PSMD2: variants seen among roughly 807,000 people sequenced by gnomAD.
PSMD2 encodes the protein proteasome 26S subunit ubiquitin receptor, non-ATPase 2, also known as 26S proteasome non-ATPase regulatory subunit 2.
In PSMD2, 8 loss-of-function variants were observed where a neutral mutation model predicts 101.5. That is an observed-to-expected ratio of 0.08 (90% CI 0.05 to 0.14). The LOEUF (loss-of-function observed/expected upper bound fraction) is 0.14, where lower values mean the gene tolerates loss of function less well. Ranked by LOEUF, PSMD2 falls within the 10% of genes least tolerant of loss-of-function variation. The pLI, the probability that PSMD2 is intolerant of heterozygous loss-of-function variation, is 1.00. For synonymous variants in PSMD2, 418 were observed against 433.8 expected, an observed-to-expected ratio of 0.96 and a Z score of 0.45; for missense variants, 784 against 1,147.4, an observed-to-expected ratio of 0.68 and a Z score of 4.58.
intron 7 of PSMD2, 52 bp downstream of exon 7, chr3:184,302,875 A>G: frequency 6.2e-7 from 1 of 1,612,558 alleles, no homozygotes; most frequent in Non-Finnish European, 8.5e-7. Flanking sequence ...TCTACCTGCC[A>G]TTTCACCTCC....
At position 184,300,462 on chromosome 3, in the gene PSMD2, C is replaced by A; in HGVS notation, c.357+18C>A. On this transcript the variant is annotated intron_variant, in intron 3 of 20. Transcript: ENST00000310118. ...AGAATAAGGTAAAACTGTTTCAAAC[C>A]TGGTGGAGGCCTAGTTTAGGAATTC... 1 of 1,607,936 alleles carries A rather than the reference C, an allele frequency of 6.2e-7. No individual in the cohort carries two copies. The highest frequency in any genetic ancestry group is 8.5e-7 in the Non-Finnish European group (1 of 1,176,766).
At chr3:184,303,897 G>A (rs369440826) in intron 10 of PSMD2, 50 bp from the exon 11 acceptor site, 25 of 1,613,568 alleles carry the variant, frequency 1.5e-5, no homozygotes, top group South Asian at 8.8e-5. Context: ...CATCCTTTGC[G>A]GTGAGGAAGA....
At position 184,305,882 on chromosome 3, in the gene PSMD2, G is replaced by C; in HGVS notation, c.1654G>C (p.Asp552His). 2.5e-6 allele frequency: 4 copies of C among 1,614,176 alleles called. No individual in the cohort carries two copies. Among genetic ancestry groups the C allele is most frequent in the Non-Finnish European group, 3.4e-6 (4 of 1,180,034 alleles). The change falls in exon 13 of 21, where the codon GAT becomes CAT. Residue 552 changes from aspartate (D) to histidine (H), a missense_variant. Physicochemically the swap from Asp to His is moderately conservative, Grantham distance 81. Around this residue, in one of 6 missense-constraint regions of PSMD2, gnomAD observed 282 missense variants for 437.6 expected, o/e 0.64. Coordinates refer to ENST00000310118, the MANE Select transcript of PSMD2 (RefSeq NM_002808.5). ...GGAGAAGTCAGAGACTGAGCTCAAG[G>C]ATACTTATGCTCGTTGGCTTCCTCT... is the stretch of plus-strand genomic sequence containing the variant. ...IMEKSETELKDTYARWLPLGL... is the reference protein window; with the variant it reads ...IMEKSETELKHTYARWLPLGL...
At chr3:184,299,981 CT>C in intron 2 of PSMD2, 74 bp downstream of exon 2, 1 of 1,320,314 alleles carries the variant, frequency 7.6e-7, no homozygotes, top group East Asian at 2.3e-5. Context: ...TTTGAGGCAA[CT>C]GCTATGTACG....
rs1403591333 is a variant in PSMD2 at position 184,307,714 on chromosome 3, G to A, written c.2298+6G>A. The A allele has an allele frequency of 6.2e-7, 1 of 1,613,580 alleles. No homozygotes were observed. The highest frequency in any genetic ancestry group is 8.5e-7 in the Non-Finnish European group (1 of 1,179,478). ...TCATGGTGCGCTTGGCACAGGTAAA[G>A]AATAGAACTCCTCCACAGAGCGTGC... On this transcript the variant is annotated splice_donor_region_variant and intron_variant, in intron 18 of 20. Transcript: ENST00000310118.
chr3:184,307,101 T>A (rs1721857069), intron 16 of PSMD2, among the ~76,000 whole-genome samples: 1 of 152,154 alleles, frequency 6.6e-6, no homozygotes, highest in Non-Finnish European at 1.5e-5. Context: ...CATGCCACCA[T>A]GCCCAGCTAA....
chr3:184,307,543 G>T lies in PSMD2; in HGVS notation c.2203+18G>T. On this transcript the variant is annotated intron_variant, in intron 17 of 20. Transcript: ENST00000310118. ...GGGCAGTGGTGAGTATCCGGCAGAA[G>T]AAGGTCATAAACAGATTGGGGGAAG... The T allele has an allele frequency of 1.2e-5, 20 of 1,614,192 alleles. No homozygotes were observed. The highest frequency in any genetic ancestry group is 1.6e-5 in the Non-Finnish European group (19 of 1,180,030).
intron 1 of PSMD2, 72 bp from the exon 2 acceptor site, chr3:184,299,779 G>T (rs898259838): frequency 9.2e-6 from 12 of 1,303,262 alleles, no homozygotes; most frequent in African/African-American, 2.9e-5. Context: ...TTCTTCACCT[G>T]CCCCGGGTAA....
chr3:184,303,939 C>G lies in PSMD2; in HGVS notation c.1324-8C>G. On this transcript the variant is annotated splice_region_variant and splice_polypyrimidine_tract_variant and intron_variant, in intron 10 of 20. Coordinates refer to ENST00000310118, the MANE Select transcript of PSMD2 (RefSeq NM_002808.5). ...ATCCTGAGTGAAGAATCTGTTTGCT[C>G]TTTGTAGTCAGGAGCTCTTCTTGCC... is the stretch of plus-strand genomic sequence containing the variant. The G allele has an allele frequency of 6.2e-7, 1 of 1,614,230 alleles. No homozygotes were observed. The highest frequency in any genetic ancestry group is 8.5e-7 in the Non-Finnish European group (1 of 1,180,044).
chr3:184,307,917 C>T lies in PSMD2; in HGVS notation c.2326C>T (p.Leu776Phe). ...CCTGACACATTTAGGGAAGGGCACC[C>T]TTACCCTCTGCCCCTACCACAGCGA... ...QGLTHLGKGT[L>F]TLCPYHSDRQ... Residue 776 changes from leucine (L) to phenylalanine (F), a missense_variant, in exon 19 of 21, where the codon CTT becomes TTT. This residue lies in a region of PSMD2 where 282 missense variants were observed against 437.6 expected (regional missense o/e 0.64). Transcript: ENST00000310118. 6.2e-7 allele frequency: 1 copy of T among 1,614,128 alleles called. No individual in the cohort carries two copies. Among genetic ancestry groups the T allele is most frequent in the Non-Finnish European group, 8.5e-7 (1 of 1,180,016 alleles).
chr3:184,308,672 T>C lies in PSMD2; in HGVS notation c.2545-36T>C. ...GGCGTGGGCGGTGGCTTGTCGCTAC[T>C]TTTCCATCTCTCTTTTCAATTTTCT... On this transcript the variant is annotated intron_variant, in intron 20 of 20. Coordinates refer to ENST00000310118, the MANE Select transcript of PSMD2 (RefSeq NM_002808.5). The surrounding 1 kb of genome is among the most constrained non-coding windows in gnomAD (Gnocchi z 6.0). 6.2e-7 allele frequency: 1 copy of C among 1,600,652 alleles called. No individual in the cohort carries two copies. Among genetic ancestry groups the C allele is most frequent in the Non-Finnish European group, 8.6e-7 (1 of 1,169,414 alleles).
intron 18 of PSMD2, 61 bp from the exon 19 acceptor site, chr3:184,307,829 G>A: frequency 6.2e-7 from 1 of 1,610,898 alleles, no homozygotes; most frequent in Middle Eastern, 1.7e-4. Context: ...CTGTTTGGCT[G>A]GGTTAGGCGA....
At chr3:184,306,302 T>C in intron 14 of PSMD2, 48 bp from the exon 15 acceptor site, 1 of 1,601,604 alleles carries the variant, frequency 6.2e-7, no homozygotes, top group Non-Finnish European at 8.5e-7. Context: ...AAGCTTTTCC[T>C]TGGTAACTTC....
chr3:184,307,303 G>A (rs1721865073), intron 16 of PSMD2, 54 bp from the exon 17 acceptor site: 2 of 1,585,044 alleles, frequency 1.3e-6, no homozygotes, highest in South Asian at 1.1e-5. Context: ...CTCCTGTAAT[G>A]GAATTTGTTT....
At position 184,306,813 on chromosome 3, in the gene PSMD2, A is replaced by T; in HGVS notation, c.2013A>T (p.Ala671=). 1 of 1,613,872 alleles carries T rather than the reference A, an allele frequency of 6.2e-7. No homozygotes were observed. Residue 671 remains alanine (A), a synonymous_variant, in exon 16 of 21, where the codon GCA becomes GCT. Coordinates refer to ENST00000310118, the MANE Select transcript of PSMD2 (RefSeq NM_002808.5). ...GGGAGGAGATTGGTGCAGAGATGGC[A>T]TTACGAACCTTTGGCCACTTGGTGA... ...AMGEEIGAEM[A]LRTFGHLLRY...
intron 2 of PSMD2, 69 bp downstream of exon 2, chr3:184,299,976 G>T (rs1721590146): frequency 7.9e-6 from 11 of 1,396,270 alleles, no homozygotes; most frequent in Admixed American, 1.7e-5. Context: ...TCTTTTTTGA[G>T]GCAACTGCTA....
At position 184,306,843 on chromosome 3, in the gene PSMD2, A is replaced by G; in HGVS notation, c.2034+9A>G. Reference sequence around the variant, plus strand: ...GAACCTTTGGCCACTTGGTGAGTATAGCATGAAGAAAATTGGAATATACTG... The same window carrying G: ...GAACCTTTGGCCACTTGGTGAGTATGGCATGAAGAAAATTGGAATATACTG... On this transcript the variant is annotated intron_variant, in intron 16 of 20. Transcript: ENST00000310118. 1 of 1,609,648 alleles carries G rather than the reference A, an allele frequency of 6.2e-7. No homozygotes were observed. Among genetic ancestry groups the G allele is most frequent in the Non-Finnish European group, 8.5e-7 (1 of 1,177,762 alleles).
At position 184,304,432 on chromosome 3, in the gene PSMD2, G is replaced by A. The variant is rs1290424687; in HGVS notation, c.1539+41G>A. 1.6e-5 allele frequency: 25 copies of A among 1,567,486 alleles called. No individual in the cohort carries two copies. Among genetic ancestry groups the A allele is most frequent in the Non-Finnish European group, 2.1e-5 (24 of 1,137,802 alleles). Reference sequence around the variant, plus strand: ...TGAGCATTTAGAGTAAGTAGGGAAGGTGCTTTGAGTCTTACTTTCTGTGAT... The same window carrying A: ...TGAGCATTTAGAGTAAGTAGGGAAGATGCTTTGAGTCTTACTTTCTGTGAT... On this transcript the variant is annotated intron_variant, in intron 12 of 20. Transcript: ENST00000310118. This position sits in a 1 kb window ranked among gnomAD's most constrained non-coding sequence, Gnocchi z 4.1.
Position 184,308,967 on chromosome 3 carries a change from T to A in PSMD2, c.*77T>A. The A allele has an allele frequency of 7.0e-7, 1 of 1,434,254 alleles. No homozygotes were observed. Among genetic ancestry groups the A allele is most frequent in the Non-Finnish European group, 9.5e-7 (1 of 1,047,678 alleles). 88.8% of individuals were successfully genotyped at this position (1,434,254 alleles called of 1,614,324 possible). A position where few individuals can be genotyped will look rare whatever the true frequency, so the allele number is the denominator to read the frequency against. On this transcript the variant is annotated 3_prime_UTR_variant, in exon 21 of 21. Coordinates refer to ENST00000310118, the MANE Select transcript of PSMD2 (RefSeq NM_002808.5). The surrounding 1 kb of genome is among the most constrained non-coding windows in gnomAD (Gnocchi z 6.0). Reference sequence around the variant, plus strand: ...TCCTGCTGCCAAGGGTGGACACGGCTGCAGACTTCTGGGGGAATTGTCGCC... The same window carrying A: ...TCCTGCTGCCAAGGGTGGACACGGCAGCAGACTTCTGGGGGAATTGTCGCC...
Sources: gnomAD v4.1 joint callset for allele counts (sites outside exome capture counted in the v4.1 genomes callset) on GRCh38, gnomAD v4.1.1 for gene constraint, gnomAD v4.1.1 regional missense constraint, Gnocchi (gnomAD v3.1) non-coding constraint, MANE v1.5 for transcripts, NCBI Gene and HGNC (gene_info 2026-07-23, HGNC 2026-07-21) for gene names.